Variants in PLCG2 observed in about 807,000 individuals in gnomAD.
PLCG2 encodes phospholipase C gamma 2.
In PLCG2, 69 loss-of-function variants were observed where a neutral mutation model predicts 175.6. That is an observed-to-expected ratio of 0.39 (90% CI 0.32 to 0.48). The LOEUF is 0.48. Ranked by LOEUF, PLCG2 falls within the 20% of genes least tolerant of loss-of-function variation. PLCG2 has a pLI of 0.91. For synonymous variants in PLCG2, 827 were observed against 624.0 expected, an observed-to-expected ratio of 1.33 and a Z score of -4.85; for missense variants, 1,798 against 1,650.9, an observed-to-expected ratio of 1.09 and a Z score of -1.54.
chr16:81,796,948 G>C (rs554664974), intron 2 of PLCG2, among the ~76,000 whole-genome samples: 18 of 152,302 alleles, frequency 1.2e-4, no homozygotes, highest in Non-Finnish European at 2.6e-4. Context: ...AGGGCAACGG[G>C]GTGAGTACAG....
At position 81,938,864 on chromosome 16, in the gene PLCG2, G is replaced by A; in HGVS notation, c.3262G>A (p.Glu1088Lys). 1 of 1,610,850 alleles carries A rather than the reference G, an allele frequency of 6.2e-7. No individual in the cohort carries two copies. Among genetic ancestry groups the A allele is most frequent in the Non-Finnish European group, 8.5e-7 (1 of 1,178,682 alleles). Residue 1088 changes from glutamate to lysine, a missense_variant, in exon 29 of 33, where the codon GAG becomes AAG. By Grantham distance (56) the Glu-to-Lys change is moderately conservative. Coordinates refer to ENST00000564138, the MANE Select transcript of PLCG2 (RefSeq NM_002661.5). ...TATTGCCTGTCCCTTTGTAGAAGTG[G>A]AGATCTGTGGAGCCGAGTATGACAA... ...RSIACPFVEV[E>K]ICGAEYDNNK...
At chr16:81,905,300 A>G in intron 14 of PLCG2, 103 bp from the exon 15 acceptor site, 2 of 739,832 alleles carry the variant, frequency 2.7e-6, no homozygotes, top group African/African-American at 3.5e-5. Flanking sequence ...AAGAACAGGC[A>G]GTGCAAAGGC....
intron 1 of PLCG2, among the ~76,000 whole-genome samples, chr16:81,751,821 A>G (rs1909818166): frequency 6.6e-6 from 1 of 152,116 alleles, no homozygotes; most frequent in South Asian, 2.1e-4. Flanking sequence ...CAGGAGTTCA[A>G]GAGCAGCCTG....
intron 30 of PLCG2, among the ~76,000 whole-genome samples, chr16:81,943,284 G>C (rs539417203): frequency 6.6e-6 from 1 of 152,336 alleles, no homozygotes; most frequent in South Asian, 2.1e-4. Flanking sequence ...GGCTGTACAG[G>C]CTTTTGTTTC....
At chr16:81,803,033 G>T (rs1911806961) in intron 2 of PLCG2, among the ~76,000 whole-genome samples, 1 of 151,270 alleles carries the variant, frequency 6.6e-6, no homozygotes, top group Non-Finnish European at 1.5e-5. Flanking sequence ...CCCATCCCTG[G>T]CAATGACAAA....
intron 8 of PLCG2, 31 bp downstream of exon 8, chr16:81,880,984 G>A (rs368522061): frequency 1.2e-5 from 19 of 1,610,958 alleles, no homozygotes; most frequent in Non-Finnish European, 1.5e-5. Context: ...CGTTCGGGGC[G>A]GCTGTGCCGG....
At chr16:81,883,192 C>T in intron 8 of PLCG2, 77 bp from the exon 9 acceptor site, 5 of 1,290,274 alleles carry the variant, frequency 3.9e-6, no homozygotes, top group East Asian at 2.3e-5. Flanking sequence ...GCAGGCTGCC[C>T]CATTGGCTGG....
chr16:81,820,828 C>T (rs924355389), intron 2 of PLCG2, among the ~76,000 whole-genome samples: 3 of 150,450 alleles, frequency 2.0e-5, no homozygotes, highest in African/African-American at 7.4e-5. Context: ...ATCATGTTGG[C>T]TAGGCTAGTC....
intron 32 of PLCG2, 30 bp from the exon 33 acceptor site, chr16:81,957,926 C>T (rs1362115161): frequency 1.9e-6 from 3 of 1,608,276 alleles, no homozygotes; most frequent in South Asian, 1.1e-5. Flanking sequence ...TCATGGCCCA[C>T]TGCTGATGGT....
chr16:81,845,914 C>T (rs181981317), intron 2 of PLCG2, among the ~76,000 whole-genome samples: 30 of 152,342 alleles, frequency 2.0e-4, no homozygotes, highest in Non-Finnish European at 1.5e-4. Context: ...CTGGCTCTTG[C>T]ACTTGTGGCT....
chr16:81,865,749 G>A (rs1567505719), intron 5 of PLCG2, among the ~76,000 whole-genome samples: 1 of 150,698 alleles, frequency 6.6e-6, no homozygotes, highest in Admixed American at 6.6e-5. Flanking sequence ...GCTCCACTGG[G>A]GCAGCAGCGT....
chr16:81,809,044 G>T (rs1904296302), intron 2 of PLCG2, among the ~76,000 whole-genome samples: 1 of 152,144 alleles, frequency 6.6e-6, no homozygotes, highest in Non-Finnish European at 1.5e-5. Flanking sequence ...AGGAGTGTGG[G>T]TGTGTGTTCT....
In PLCG2 at chr16:81,923,501, A is replaced by C. The variant is rs142825971; in HGVS notation, c.2324A>C (p.Lys775Thr). The C allele has an allele frequency of 6.2e-7, 1 of 1,611,658 alleles. No homozygotes were observed. The highest frequency in any genetic ancestry group is 8.5e-7 in the Non-Finnish European group (1 of 1,178,066). The change falls in exon 22 of 33, where the codon AAA (lysine) becomes ACA (threonine). Residue 775 changes from lysine (K) to threonine (T), a missense_variant. Lys to Thr is a moderately conservative substitution (Grantham distance 78). Transcript: ENST00000564138. ...INPSMPQRTV[K>T]ALYDYKAKRS... Reference sequence around the variant, plus strand: ...CCCTGAAAGCCTCAGAGAACCGTGAAAGCTCTGTATGACTACAAAGCCAAG... The same window carrying C: ...CCCTGAAAGCCTCAGAGAACCGTGACAGCTCTGTATGACTACAAAGCCAAG...
At chr16:81,870,829 G>A (rs375884568) in intron 6 of PLCG2, 23 bp from the exon 7 acceptor site, 5 of 228,660 alleles carry the variant, frequency 2.2e-5, no homozygotes, top group African/African-American at 1.1e-4. Flanking sequence ...AAAATCATGT[G>A]GTCACTTTTT....
At position 81,962,192 on chromosome 16, in the gene PLCG2, TGAATTGTATTTG is replaced by T. The variant is rs113030180; in HGVS notation, c.*4198_*4209del. The T allele has an allele frequency of 0.72, 135,057 of 187,992 alleles. 50,557 individuals carry two copies. Among genetic ancestry groups the T allele is most frequent in the South Asian group, 0.84 (4,304 of 5,122 alleles). 11.6% of individuals were successfully genotyped at this position (187,992 alleles called of 1,614,324 possible). A position where few individuals can be genotyped will look rare whatever the true frequency, so the allele number is the denominator to read the frequency against. ...TTGCTGATCTAGGGCCACTAAGTGATGAATTGTATTTGGAAGCAAAAAGGATGGCTAAAAAGG... is the reference window on the plus strand; with the variant it reads ...TTGCTGATCTAGGGCCACTAAGTGATGAAGCAAAAAGGATGGCTAAAAAGG... On this transcript the variant is annotated 3_prime_UTR_variant, in exon 33 of 33. Transcript: ENST00000564138.
At chr16:81,935,713 C>A (rs1458493424) in intron 26 of PLCG2, 1 of 985,184 alleles carries the variant, frequency 1.0e-6, no homozygotes, top group African/African-American at 1.7e-5. Flanking sequence ...CTCCTGTTCT[C>A]CCTTCCCTGC....
intron 22 of PLCG2, among the ~76,000 whole-genome samples, chr16:81,926,588 T>G (rs1456580236): frequency 6.6e-6 from 1 of 152,188 alleles, no homozygotes; most frequent in African/African-American, 2.4e-5. Context: ...GCACTCAGCT[T>G]ATGTTAATTT....
At position 81,923,563 on chromosome 16, in the gene PLCG2, A is replaced by G; in HGVS notation, c.2386A>G (p.Ile796Val). Residue 796 changes from isoleucine (I) to valine (V), a missense_variant, in exon 22 of 33, where the codon ATC becomes GTC. Ile to Val is a conservative substitution (Grantham distance 29). Coordinates refer to ENST00000564138, the MANE Select transcript of PLCG2 (RefSeq NM_002661.5). ...DELSFCRGAL[I>V]HNVSKEPGGW... ...GCTGAGCTTCTGCCGTGGTGCCCTCATCCACAATGTCTCCAAGGAGCCCGG... is the reference window on the plus strand; with the variant it reads ...GCTGAGCTTCTGCCGTGGTGCCCTCGTCCACAATGTCTCCAAGGAGCCCGG... The G allele has an allele frequency of 6.2e-7, 1 of 1,613,194 alleles. No individual in the cohort carries two copies. The highest frequency in any genetic ancestry group is 1.1e-5 in the South Asian group (1 of 91,024).
intron 13 of PLCG2, chr16:81,898,725 GAGTATGTCTAATGATC>G (rs1909005785): frequency 2.6e-5 from 4 of 152,164 alleles, no homozygotes; most frequent in Admixed American, 6.5e-5. Context: ...GGGGAAATTT[GAGTATGTCTAATGATC>G]AGTATGTCTA....
Sources: allele counts gnomAD v4.1 joint callset (sites outside exome capture counted in the v4.1 genomes callset), GRCh38; gene constraint gnomAD v4.1.1; transcripts MANE v1.5; gene names NCBI Gene and HGNC (gene_info 2026-07-23, HGNC 2026-07-21).